The following DBF4B variants were observed in gnomAD, a reference collection of about 807,000 sequenced individuals.
DBF4B encodes protein DBF4 homolog B.
DBF4B carries 49 observed loss-of-function variants against 53.4 expected under a neutral mutation model. That is an observed-to-expected ratio of 0.92 (90% CI 0.73 to 1.16). The LOEUF (loss-of-function observed/expected upper bound fraction) is 1.16. Ranked by LOEUF, DBF4B falls within the 50% of genes most tolerant of loss-of-function variation. The pLI is 0.00. For missense variants in DBF4B, 692 were observed against 775.0 expected, an observed-to-expected ratio of 0.89 and a Z score of 1.27; for synonymous variants, 257 against 288.7, an observed-to-expected ratio of 0.89 and a Z score of 1.11.
At position 44,709,352 on chromosome 17, in the gene DBF4B, G is replaced by T. The variant is rs375796389; in HGVS notation, c.68G>T (p.Arg23Leu). 27 of 1,614,006 alleles carry T rather than the reference G, an allele frequency of 1.7e-5. No individual in the cohort carries two copies. Among genetic ancestry groups the T allele is most frequent in the Non-Finnish European group, 2.2e-5 (26 of 1,180,028 alleles). Reference protein sequence around the residue: ...LESSMAESRLRAPDLGVSRCL... With the variant: ...LESSMAESRLLAPDLGVSRCL... ...AGTTCCATGGCTGAGAGTAGGCTCC[G>T]GGCCCCGGACCTAGGTGGGTAACAG... Residue 23 changes from arginine (R) to leucine (L), a missense_variant, in exon 2 of 14, where the codon CGG (arginine) becomes CTG (leucine). By Grantham distance (102) the Arg-to-Leu change is moderately radical. This residue lies in a region of DBF4B where 66 missense variants were observed against 51.3 expected (regional missense o/e 1.29). Coordinates refer to ENST00000315005, the MANE Select transcript of DBF4B (RefSeq NM_145663.3).
chr17:44,729,141 A>G (rs1205790602), intron 3 of DBF4B, among the ~76,000 whole-genome samples: 1 of 152,110 alleles, frequency 6.6e-6, no homozygotes, highest in Non-Finnish European at 1.5e-5. Flanking sequence ...TAATCCTTCA[A>G]TTCATAACTA....
rs1567679190 is a variant in DBF4B at position 44,749,358 on chromosome 17, T to C, written c.1189+893T>C. The C allele has an allele frequency of 1.6e-6, 2 of 1,289,614 alleles. No individual in the cohort carries two copies. Among genetic ancestry groups the C allele is most frequent in the Non-Finnish European group, 2.0e-6 (2 of 988,838 alleles). The allele number at this position is 1,289,614 out of a possible 1,614,324, so 79.9% of individuals were successfully genotyped here. A position where few individuals can be genotyped will look rare whatever the true frequency, so the allele number is the denominator to read the frequency against. Reference sequence around the variant, plus strand: ...CTTCACAGGGCCAGGCAGCTCCAGATTGAAGGGCCACAGATACAACTTACT... The same window carrying C: ...CTTCACAGGGCCAGGCAGCTCCAGACTGAAGGGCCACAGATACAACTTACT... On this transcript the variant is annotated intron_variant, in intron 13 of 13. Coordinates refer to ENST00000315005, the MANE Select transcript of DBF4B (RefSeq NM_145663.3). This position sits in a 1 kb window ranked among gnomAD's most constrained non-coding sequence, Gnocchi z 4.4.
chr17:44,708,831 C>G lies in DBF4B; in HGVS notation c.11C>G (p.Pro4Arg), dbSNP rs771594583. The change falls in exon 1 of 14, where the codon CCG (proline) becomes CGG (arginine). Residue 4 changes from proline (P) to arginine (R), a missense_variant. By Grantham distance (103) the Pro-to-Arg change is moderately radical. This residue lies in a region of DBF4B where 66 missense variants were observed against 51.3 expected (regional missense o/e 1.29). Coordinates refer to ENST00000315005, the MANE Select transcript of DBF4B (RefSeq NM_145663.3). Reference sequence around the variant, plus strand: ...AGGAGCCGGCATTTGATGAGCGAACCGGGAAAGGGTACGGATGCCGGGAAG... The same window carrying G: ...AGGAGCCGGCATTTGATGAGCGAACGGGGAAAGGGTACGGATGCCGGGAAG... MSE[P>R]GKGDDCLELE... 1.9e-6 allele frequency: 3 copies of G among 1,551,040 alleles called. No individual in the cohort carries two copies. The highest frequency in any genetic ancestry group is 1.2e-5 in the South Asian group (1 of 83,950).
intron 2 of DBF4B, chr17:44,719,701 T>C (rs1417929814): frequency 2.5e-5 from 4 of 159,286 alleles, no homozygotes; most frequent in African/African-American, 9.6e-5. Flanking sequence ...AATGGACATA[T>C]GAGTTTCCAC....
At chr17:44,734,277 T>C in intron 7 of DBF4B, 114 bp downstream of exon 7, 1 of 1,339,296 alleles carries the variant, frequency 7.5e-7, no homozygotes, top group South Asian at 1.2e-5. Flanking sequence ...TTCTGAAAGA[T>C]GGAAGAGGAA....
intron 5 of DBF4B, 80 bp from the exon 6 acceptor site, chr17:44,732,098 G>A: frequency 6.8e-7 from 1 of 1,464,446 alleles, no homozygotes; most frequent in South Asian, 1.2e-5. Flanking sequence ...AGGCCTCCCA[G>A]AAGCAATTTC....
Position 44,752,023 on chromosome 17 carries a change from C to T in DBF4B, c.*770C>T. Reference sequence around the variant, plus strand: ...CTAACTACTTTACTCAGACTAGGTCCCCAGGCCTTTGTTCTTGCCTCTTCT... The same window carrying T: ...CTAACTACTTTACTCAGACTAGGTCTCCAGGCCTTTGTTCTTGCCTCTTCT... On this transcript the variant is annotated 3_prime_UTR_variant, in exon 14 of 14. Transcript: ENST00000315005. 1 of 1,522,508 alleles carries T rather than the reference C, an allele frequency of 6.6e-7. No homozygotes were observed. Among genetic ancestry groups the T allele is most frequent in the Non-Finnish European group, 8.8e-7 (1 of 1,134,594 alleles). The allele number at this position is 1,522,508 out of a possible 1,614,324, so 94.3% of individuals were successfully genotyped here.
intron 3 of DBF4B, among the ~76,000 whole-genome samples, chr17:44,724,223 C>G (rs1441367039): frequency 6.6e-5 from 10 of 152,122 alleles, no homozygotes; most frequent in Admixed American, 6.6e-4. Context: ...ATGGCAAAAC[C>G]CTGTCTCTAC....
At chr17:44,742,047 G>A (rs895432462) in intron 10 of DBF4B, among the ~76,000 whole-genome samples, 1 of 149,750 alleles carries the variant, frequency 6.7e-6, no homozygotes, top group Non-Finnish European at 1.5e-5. Context: ...AGGAGTTTGA[G>A]ACCAACTTGG....
At chr17:44,748,510 G>C (rs2145160336) in intron 13 of DBF4B, 45 bp downstream of exon 13, 1 of 1,611,860 alleles carries the variant, frequency 6.2e-7, no homozygotes, top group African/African-American at 1.3e-5. Context: ...GCAGGCACCA[G>C]CTGAACGTGC....
chr17:44,730,876 G>T, intron 4 of DBF4B, 89 bp from the exon 5 acceptor site: 1 of 1,394,164 alleles, frequency 7.2e-7, no homozygotes, highest in Non-Finnish European at 1.0e-6. Flanking sequence ...ATAACCCCAA[G>T]ACATAACCCC....
Position 44,749,897 on chromosome 17 carries a change from C to T in DBF4B, c.1190-698C>T, listed in dbSNP as rs1393753466. 7.7e-6 allele frequency: 8 copies of T among 1,039,412 alleles called. No individual in the cohort carries two copies. Among genetic ancestry groups the T allele is most frequent in the Admixed American group, 5.0e-5 (1 of 20,094 alleles). 64.4% of individuals were successfully genotyped at this position (1,039,412 alleles called of 1,614,324 possible). ...GTTTGTCCCCTCCCCCAGCCCCCCACGCTCCCGCACACAGATCCTCAGGAA... is the reference window on the plus strand; with the variant it reads ...GTTTGTCCCCTCCCCCAGCCCCCCATGCTCCCGCACACAGATCCTCAGGAA... On this transcript the variant is annotated intron_variant, in intron 13 of 13. Coordinates refer to ENST00000315005, the MANE Select transcript of DBF4B (RefSeq NM_145663.3). The surrounding 1 kb of genome is among the most constrained non-coding windows in gnomAD (Gnocchi z 4.4).
At chr17:44,732,299 G>A (rs374717392) in intron 6 of DBF4B, 34 bp downstream of exon 6, 4 of 1,608,952 alleles carry the variant, frequency 2.5e-6, no homozygotes, top group Non-Finnish European at 2.6e-6. Context: ...TGTGGAGGGA[G>A]AATTGGTGAC....
At chr17:44,739,618 G>A (rs1975791352) in intron 9 of DBF4B, among the ~76,000 whole-genome samples, 1 of 152,228 alleles carries the variant, frequency 6.6e-6, no homozygotes, top group South Asian at 2.1e-4. Context: ...AGGTAATCAT[G>A]ACACATATGC....
At chr17:44,748,726 A>G in intron 13 of DBF4B, 1 of 1,376,142 alleles carries the variant, frequency 7.3e-7, no homozygotes, top group East Asian at 4.0e-5. Context: ...CCCCAGTGGC[A>G]GTGCTAAGAA....
chr17:44,744,427 T>C (rs1192094164), intron 10 of DBF4B, among the ~76,000 whole-genome samples: 4 of 150,748 alleles, frequency 2.7e-5, no homozygotes, highest in Non-Finnish European at 5.9e-5. Context: ...AAAAAAAAAA[T>C]TGCATTCCCT....
chr17:44,709,957 A>G (rs1972715614), intron 2 of DBF4B, among the ~76,000 whole-genome samples: 1 of 151,722 alleles, frequency 6.6e-6, no homozygotes, highest in Non-Finnish European at 1.5e-5. Flanking sequence ...GCGGATCACG[A>G]GGTCAGGAGA....
At chr17:44,726,393 C>A (rs1974346664) in intron 3 of DBF4B, among the ~76,000 whole-genome samples, 1 of 150,762 alleles carries the variant, frequency 6.6e-6, no homozygotes, top group African/African-American at 2.4e-5. Context: ...AGGGGCAGGG[C>A]AATGCTTATT....
At position 44,752,220 on chromosome 17, in the gene DBF4B, G is replaced by C; in HGVS notation, c.*967G>C. 1 of 528,030 alleles carries C rather than the reference G, an allele frequency of 1.9e-6. No individual in the cohort carries two copies. Among genetic ancestry groups the C allele is most frequent in the Non-Finnish European group, 3.4e-6 (1 of 292,042 alleles). The allele number at this position is 528,030 out of a possible 1,614,324, so 32.7% of individuals were successfully genotyped here. On this transcript the variant is annotated 3_prime_UTR_variant, in exon 14 of 14. Transcript: ENST00000315005. The stretch of plus-strand genomic sequence containing the variant: ...GTCTTTAAGTAAGGGGCTTGGATGA[G>C]ATGATTTCAGGACCCTTTCCAATAA...
Sources: allele counts gnomAD v4.1 joint callset (sites outside exome capture counted in the v4.1 genomes callset), GRCh38; gene constraint gnomAD v4.1.1; regional missense constraint gnomAD v4.1.1; non-coding constraint Gnocchi (gnomAD v3.1); transcripts MANE v1.5; gene names NCBI Gene and HGNC (gene_info 2026-07-23, HGNC 2026-07-21).